SRGAP2: variants seen among roughly 807,000 people sequenced by gnomAD.
SRGAP2 encodes the protein SLIT-ROBO Rho GTPase-activating protein 2.
SRGAP2 carries 15 observed loss-of-function variants against 57.2 expected under a neutral mutation model. The ratio of observed to expected loss-of-function variants is 0.26; its 90% CI spans 0.18 to 0.40. SRGAP2 has a LOEUF of 0.40. SRGAP2 is among the 10% of genes least tolerant of loss of function. The pLI is 1.00. For missense variants in SRGAP2, 520 were observed against 669.6 expected (o/e 0.78, Z 2.47); for synonymous variants, 249 against 248.0 (o/e 1.00, Z -0.04).
chr1:206,239,847 A>G (rs549180219), intron 2 of SRGAP2, among the ~76,000 whole-genome samples: 1,638 of 151,186 alleles, frequency 0.011, 46 homozygotes, highest in African/African-American at 0.038. Context: ...AACAGTTACA[A>G]TTTTTGACAG....
chr1:206,257,670 G>A lies in SRGAP2; in HGVS notation c.68-45611G>A, dbSNP rs1236456194. On this transcript the variant is annotated intron_variant, in intron 2 of 22. Transcript: ENST00000573034. ...ACCTAGGGGGTGAGTGAATAAGACA[G>A]TCTCTGCCCTCATGGAGCTTACATT... is the stretch of plus-strand genomic sequence containing the variant. 2.3e-3 allele frequency among the ~76,000 whole-genome samples: 304 copies of A among 131,764 alleles called. 4 individuals are homozygous for A. Among genetic ancestry groups the A allele is most frequent in the African/African-American group, 8.0e-3 (288 of 36,126 alleles). 86.4% of individuals were successfully genotyped at this position (131,764 alleles called of 152,430 possible).
At position 206,286,688 on chromosome 1, in the gene SRGAP2, T is replaced by C. The variant is rs1246789831; in HGVS notation, c.68-16593T>C. On this transcript the variant is annotated intron_variant, in intron 2 of 22. Transcript: ENST00000573034. ...AGTGTCGGGGCACTTTCAGATGGAG[T>C]GGTCACAAAGGCTGCTGTGAGCAGA... Among the ~76,000 whole-genome samples the C allele has an allele frequency of 2.4e-3, 362 of 151,142 alleles. 3 individuals are homozygous for C. Among genetic ancestry groups the C allele is most frequent in the African/African-American group, 8.3e-3 (341 of 41,020 alleles).
intron 2 of SRGAP2, among the ~76,000 whole-genome samples, chr1:206,295,449 T>A (rs1354892810): frequency 2.6e-5 from 4 of 151,736 alleles, no homozygotes; most frequent in African/African-American, 9.7e-5. Flanking sequence ...AGTCTCAAAC[T>A]CCTGACCTCG....
intron 17 of SRGAP2, among the ~76,000 whole-genome samples, chr1:206,445,186 T>C (rs569172531): frequency 3.9e-5 from 6 of 152,158 alleles, no homozygotes; most frequent in African/African-American, 1.4e-4. Context: ...CTGCAGGCTG[T>C]GTTGGGGAGG....
intron 3 of SRGAP2, among the ~76,000 whole-genome samples, chr1:206,306,645 G>A (rs1672221302): frequency 2.0e-5 from 3 of 152,154 alleles, no homozygotes. Context: ...CGAGTGGCCT[G>A]TTTTGTCAGG....
chr1:206,255,773 A>G (rs1669145999), intron 2 of SRGAP2, among the ~76,000 whole-genome samples: 1 of 151,880 alleles, frequency 6.6e-6, no homozygotes, highest in African/African-American at 2.4e-5. Context: ...CTTCAAGAAG[A>G]TAAGATATGT....
At chr1:206,436,183 G>T (rs757844046) in intron 14 of SRGAP2, among the ~76,000 whole-genome samples, 7 of 152,124 alleles carry the variant, frequency 4.6e-5, no homozygotes, top group Non-Finnish European at 8.8e-5. Context: ...GAAGCCAAAA[G>T]ATTGGATGCT....
At chr1:206,433,900 A>T (rs1440240952) in intron 14 of SRGAP2, among the ~76,000 whole-genome samples, 1 of 152,218 alleles carries the variant, frequency 6.6e-6, no homozygotes, top group African/African-American at 2.4e-5. Context: ...AAAGTATTTT[A>T]TATATATTCT....
At chr1:206,310,609 A>G (rs1336692983) in intron 3 of SRGAP2, among the ~76,000 whole-genome samples, 2 of 152,080 alleles carry the variant, frequency 1.3e-5, no homozygotes, top group African/African-American at 4.8e-5. Context: ...TCTCAATGCA[A>G]CATTAGTAAC....
In SRGAP2 at chr1:206,427,967, G is replaced by C. The variant is rs528390202; in HGVS notation, c.1495-2195G>C. ...GTAAAATAAAAACGTGCTGGGTGTG[G>C]TCTGGGTACCTGTAGTTCCAGCTAC... On this transcript the variant is annotated intron_variant, in intron 13 of 22. Coordinates refer to ENST00000573034, the MANE Select transcript of SRGAP2 (RefSeq NM_015326.5). Among the ~76,000 whole-genome samples the C allele has an allele frequency of 6.6e-5, 10 of 152,162 alleles. No individual in the cohort carries two copies. The South Asian group carries it at 2.1e-3, about 32-fold the overall frequency.
chr1:206,257,700 T>C (rs1231698525), intron 2 of SRGAP2, among the ~76,000 whole-genome samples: 1 of 124,254 alleles, frequency 8.0e-6, no homozygotes, highest in Non-Finnish European at 1.7e-5. Context: ...TACATTCTAA[T>C]AGTGGTAGAG....
chr1:206,436,264 C>A (rs1364745745), intron 14 of SRGAP2, among the ~76,000 whole-genome samples: 2 of 152,092 alleles, frequency 1.3e-5, no homozygotes, highest in Non-Finnish European at 2.9e-5. Context: ...ACAATCAAAC[C>A]GTGTTAAAAC....
At chr1:206,387,394 T>G (rs1312563145) in intron 5 of SRGAP2, among the ~76,000 whole-genome samples, 2 of 142,952 alleles carry the variant, frequency 1.4e-5, no homozygotes, top group African/African-American at 5.6e-5. Context: ...ATGCTAGCTT[T>G]GGGAAGCTGC....
chr1:206,291,041 G>C (rs1176120393), intron 2 of SRGAP2, among the ~76,000 whole-genome samples: 1 of 151,296 alleles, frequency 6.6e-6, no homozygotes, highest in Non-Finnish European at 1.5e-5. Flanking sequence ...TTAAGACAGC[G>C]AGAATGAGGA....
At chr1:206,457,815 G>C (rs1369692041) in intron 21 of SRGAP2, among the ~76,000 whole-genome samples, 1 of 152,186 alleles carries the variant, frequency 6.6e-6, no homozygotes, top group African/African-American at 2.4e-5. Flanking sequence ...TTCAAGATCA[G>C]AGCTGTTCAG....
At chr1:206,230,030 A>C (rs1219164753) in intron 2 of SRGAP2, among the ~76,000 whole-genome samples, 3 of 151,960 alleles carry the variant, frequency 2.0e-5, no homozygotes, top group Non-Finnish European at 4.4e-5. Flanking sequence ...ATATATTTTA[A>C]ATAGCTGATT....
At chr1:206,229,731 C>T (rs1401586553) in intron 2 of SRGAP2, among the ~76,000 whole-genome samples, 1 of 151,846 alleles carries the variant, frequency 6.6e-6, no homozygotes, top group African/African-American at 2.4e-5. Flanking sequence ...TTTCTTCTTT[C>T]AGGATTTCTA....
chr1:206,205,176 C>G (rs1233188382), intron 1 of SRGAP2: 4 of 152,226 alleles, frequency 2.6e-5, no homozygotes, highest in Admixed American at 1.3e-4. Context: ...CCGCCTGGTG[C>G]CCCGCGTTCC....
rs1382915906 is a variant in SRGAP2 at position 206,464,010 on chromosome 1, G to A, written c.*2590G>A. 1 of 152,600 alleles carries A rather than the reference G, an allele frequency of 6.6e-6. No individual in the cohort carries two copies. Among genetic ancestry groups the A allele is most frequent in the African/African-American group, 2.4e-5 (1 of 41,436 alleles). The allele number at this position is 152,600 out of a possible 1,614,324, so 9.5% of individuals were successfully genotyped here. A position where few individuals can be genotyped will look rare whatever the true frequency, so the allele number is the denominator to read the frequency against. On this transcript the variant is annotated 3_prime_UTR_variant, in exon 23 of 23. Coordinates refer to ENST00000573034, the MANE Select transcript of SRGAP2 (RefSeq NM_015326.5). ...GTGGACTCTGAAGGGTCAGTCTTCG[G>A]GGAAGAGAGGTGGGGTGGGGCTACT...
Sources: gnomAD v4.1 joint callset for allele counts (sites outside exome capture counted in the v4.1 genomes callset) on GRCh38, gnomAD v4.1.1 for gene constraint, MANE v1.5 for transcripts, NCBI Gene and HGNC (gene_info 2026-07-23, HGNC 2026-07-21) for gene names.